The following PEX3 variants were observed in gnomAD, a reference collection of about 807,000 sequenced individuals.
PEX3 encodes the protein peroxin-3.
Under a neutral mutation model 55.8 loss-of-function variants are expected in PEX3, and 30 were observed. The observed-to-expected ratio is 0.54, with a 90% CI of 0.40 to 0.73. PEX3 has a LOEUF of 0.73. PEX3 is among the 30% of genes least tolerant of loss of function. The pLI is 0.00. For synonymous variants in PEX3, 135 were observed against 148.4 expected (o/e 0.91, Z 0.66); for missense variants, 351 against 432.8 (o/e 0.81, Z 1.68).
rs1325411919 is a variant in PEX3 at position 143,471,237 on chromosome 6, G to A, written c.457-146G>A. On this transcript the variant is annotated intron_variant, in intron 5 of 11. Transcript: ENST00000367591. This position sits in a 1 kb window ranked among gnomAD's most constrained non-coding sequence, Gnocchi z 5.4. ...GTATTATGAATAATTTTTATATGTT[G>A]AAACTAGAATTTTTGGTGTGTTAAA... 1.8e-5 allele frequency: 18 copies of A among 987,482 alleles called. No homozygotes were observed. Among genetic ancestry groups the A allele is most frequent in the Non-Finnish European group, 2.8e-5 (18 of 647,598 alleles). 61.2% of individuals were successfully genotyped at this position (987,482 alleles called of 1,614,324 possible). A position where few individuals can be genotyped will look rare whatever the true frequency, so the allele number is the denominator to read the frequency against.
At position 143,475,584 on chromosome 6, in the gene PEX3, G is replaced by A. The variant is rs1175652561; in HGVS notation, c.818+728G>A. ...GGAAGGATCACCTGAGCCCTGGCAG[G>A]TTGAGGCTATGGTGAGCCGTGATTG... On this transcript the variant is annotated intron_variant, in intron 9 of 11. Coordinates refer to ENST00000367591, the MANE Select transcript of PEX3 (RefSeq NM_003630.3). The surrounding 1 kb of genome is among the most constrained non-coding windows in gnomAD (Gnocchi z 4.4). 2.6e-5 allele frequency among the ~76,000 whole-genome samples: 4 copies of A among 152,170 alleles called. No individual in the cohort carries two copies. Among genetic ancestry groups the A allele is most frequent in the Admixed American group, 2.0e-4 (3 of 15,260 alleles).
intron 8 of PEX3, among the ~76,000 whole-genome samples, chr6:143,474,475 A>C (rs936792247): frequency 6.6e-6 from 1 of 151,318 alleles, no homozygotes; most frequent in Non-Finnish European, 1.5e-5. Context: ...AAAAAAAAAA[A>C]CCCAGACCTC....
At position 143,486,249 on chromosome 6, in the gene PEX3, CTAT is replaced by C. The variant is rs1780321751; in HGVS notation, c.1038+1002_1038+1004del. Among the ~76,000 whole-genome samples the C allele has an allele frequency of 2.6e-5, 4 of 152,110 alleles. No individual in the cohort carries two copies. The South Asian group carries it at 8.3e-4, about 31-fold the overall frequency. On this transcript the variant is annotated intron_variant, in intron 11 of 11. Coordinates refer to ENST00000367591, the MANE Select transcript of PEX3 (RefSeq NM_003630.3). This position sits in a 1 kb window ranked among gnomAD's most constrained non-coding sequence, Gnocchi z 5.0. ...TTTTACTGAATGTTAAGCTTCACATCTATATCAATGTGAGAAAAAGGTCATAAC... is the reference window on the plus strand; with the variant it reads ...TTTTACTGAATGTTAAGCTTCACATCATCAATGTGAGAAAAAGGTCATAAC...
chr6:143,484,043 T>G (rs1024560933), intron 10 of PEX3, among the ~76,000 whole-genome samples: 5 of 152,110 alleles, frequency 3.3e-5, no homozygotes, highest in African/African-American at 1.2e-4. Flanking sequence ...CATAGCACAC[T>G]GGTTGTACAC....
In PEX3 at chr6:143,471,060, A is replaced by C. The variant is rs754601802; in HGVS notation, c.431A>C (p.Asn144Thr). ...NIIGGYIYLD[N>T]AAVGKNGTTI... ...ATTGGTGGATATATTTACCTGGATA[A>C]TGCAGCAGTTGGCAAAAATGGCACT... The change falls in exon 5 of 12, where the codon AAT (asparagine) becomes ACT (threonine). Residue 144 changes from asparagine to threonine, a missense_variant. Asn to Thr is a moderately conservative substitution (Grantham distance 65). Coordinates refer to ENST00000367591, the MANE Select transcript of PEX3 (RefSeq NM_003630.3). The surrounding 1 kb of genome is among the most constrained non-coding windows in gnomAD (Gnocchi z 5.4). 1 of 1,613,528 alleles carries C rather than the reference A, an allele frequency of 6.2e-7. No homozygotes were observed. Among genetic ancestry groups the C allele is most frequent in the African/African-American group, 1.3e-5 (1 of 75,044 alleles).
chr6:143,468,493 T>C (rs1173096851), intron 4 of PEX3, among the ~76,000 whole-genome samples: 1 of 152,188 alleles, frequency 6.6e-6, no homozygotes, highest in African/African-American at 2.4e-5. Context: ...TGATATTGTA[T>C]TGTAAATTTT....
Position 143,482,337 on chromosome 6 carries a change from T to C in PEX3, c.942-2815T>C, listed in dbSNP as rs1780253270. ...TGCTATCTTTAAAAATGATATCAAT[T>C]TTGAAAAGGGAGAAGAAAAAGCTAT... On this transcript the variant is annotated intron_variant, in intron 10 of 11. Transcript: ENST00000367591. This position sits in a 1 kb window ranked among gnomAD's most constrained non-coding sequence, Gnocchi z 5.5. Among the ~76,000 whole-genome samples, 2 of 152,066 alleles carry C rather than the reference T, an allele frequency of 1.3e-5. No homozygotes were observed. Among genetic ancestry groups the C allele is most frequent in the East Asian group, 3.8e-4 (2 of 5,202 alleles).
At position 143,471,536 on chromosome 6, in the gene PEX3, G is replaced by A. The variant is rs1780074600; in HGVS notation, c.524-21G>A. 1 of 1,601,598 alleles carries A rather than the reference G, an allele frequency of 6.2e-7. No homozygotes were observed. Among genetic ancestry groups the A allele is most frequent in the Non-Finnish European group, 8.6e-7 (1 of 1,169,366 alleles). On this transcript the variant is annotated intron_variant, in intron 6 of 11. Coordinates refer to ENST00000367591, the MANE Select transcript of PEX3 (RefSeq NM_003630.3). This position sits in a 1 kb window ranked among gnomAD's most constrained non-coding sequence, Gnocchi z 5.4. Reference sequence around the variant, plus strand: ...ATTTTTAAACTAAGCAAGGCTTTTAGGTTTGTTTTTTCTTTAATAGGCCTG... The same window carrying A: ...ATTTTTAAACTAAGCAAGGCTTTTAAGTTTGTTTTTTCTTTAATAGGCCTG...
intron 9 of PEX3, among the ~76,000 whole-genome samples, chr6:143,478,736 TATC>T (rs1238033794): frequency 3.3e-5 from 5 of 152,068 alleles, no homozygotes; most frequent in East Asian, 1.9e-4. Context: ...CTCACTGAAA[TATC>T]ATGCTAGAGG....
At chr6:143,484,946 G>T in intron 10 of PEX3, 1 of 541,610 alleles carries the variant, frequency 1.8e-6, no homozygotes, top group Non-Finnish European at 3.3e-6. Flanking sequence ...AAAAAACAAA[G>T]ATATGTGTAA....
chr6:143,451,325 A>C lies in PEX3; in HGVS notation c.73+210A>C, dbSNP rs1442322464. 6.6e-6 allele frequency among the ~76,000 whole-genome samples: 1 copy of C among 151,526 alleles called. No individual in the cohort carries two copies. Among genetic ancestry groups the C allele is most frequent in the Non-Finnish European group, 1.5e-5 (1 of 67,872 alleles). On this transcript the variant is annotated intron_variant, in intron 1 of 11. Coordinates refer to ENST00000367591, the MANE Select transcript of PEX3 (RefSeq NM_003630.3). The surrounding 1 kb of genome is among the most constrained non-coding windows in gnomAD (Gnocchi z 4.1). ...CTCTGTGCCCTTTGCCCTGTCACCG[A>C]CTCTTAACTCTGTTTCTCACCTATC...
intron 10 of PEX3, among the ~76,000 whole-genome samples, chr6:143,484,254 T>C (rs925753496): frequency 1.3e-5 from 2 of 152,120 alleles, no homozygotes; most frequent in African/African-American, 4.8e-5. Context: ...CAAATGTTTA[T>C]TGTGCTCTAA....
Position 143,476,916 on chromosome 6 carries a change from CG to C in PEX3, c.818+2065del, listed in dbSNP as rs1780160777. On this transcript the variant is annotated intron_variant, in intron 9 of 11. Coordinates refer to ENST00000367591, the MANE Select transcript of PEX3 (RefSeq NM_003630.3). This position sits in a 1 kb window ranked among gnomAD's most constrained non-coding sequence, Gnocchi z 5.4. Reference sequence around the variant, plus strand: ...CAGTCCAACATTTAGAGTTTGGGATCGGGGGAAGAGCCAGCAAAGGAGACTG... The same window carrying C: ...CAGTCCAACATTTAGAGTTTGGGATCGGGGAAGAGCCAGCAAAGGAGACTG... Among the ~76,000 whole-genome samples, 1 of 152,072 alleles carries C rather than the reference CG, an allele frequency of 6.6e-6. No homozygotes were observed. The highest frequency in any genetic ancestry group is 1.9e-4 in the East Asian group (1 of 5,182).
intron 4 of PEX3, among the ~76,000 whole-genome samples, chr6:143,469,614 C>T (rs1348567010): frequency 6.6e-6 from 1 of 152,110 alleles, no homozygotes; most frequent in East Asian, 1.9e-4. Context: ...AATTTTCTCC[C>T]ATTCTGTAGG....
rs1780352761 is a variant in PEX3, at chr6:143,488,998, A to G, written c.1039-145A>G. The G allele has an allele frequency of 1.6e-6, 1 of 622,286 alleles. No individual in the cohort carries two copies. The highest frequency in any genetic ancestry group is 1.8e-5 in the South Asian group (1 of 55,950). 38.5% of individuals were successfully genotyped at this position (622,286 alleles called of 1,614,324 possible). A position where few individuals can be genotyped will look rare whatever the true frequency, so the allele number is the denominator to read the frequency against. On this transcript the variant is annotated intron_variant, in intron 11 of 11. Transcript: ENST00000367591. This position sits in a 1 kb window ranked among gnomAD's most constrained non-coding sequence, Gnocchi z 4.9. Reference sequence around the variant, plus strand: ...TAACTATCTCCTAGAATTTATTACAAGAAAAACTACTCATTTTCTTAAATG... The same window carrying G: ...TAACTATCTCCTAGAATTTATTACAGGAAAAACTACTCATTTTCTTAAATG...
rs1780160547 is a variant in PEX3 at position 143,476,914 on chromosome 6, A to G, written c.818+2058A>G. ...AGCAGTCCAACATTTAGAGTTTGGG[A>G]TCGGGGGAAGAGCCAGCAAAGGAGA... On this transcript the variant is annotated intron_variant, in intron 9 of 11. Transcript: ENST00000367591. The surrounding 1 kb of genome is among the most constrained non-coding windows in gnomAD (Gnocchi z 5.4). Among the ~76,000 whole-genome samples, 1 of 152,186 alleles carries G rather than the reference A, an allele frequency of 6.6e-6. No individual in the cohort carries two copies. The highest frequency in any genetic ancestry group is 2.4e-5 in the African/African-American group (1 of 41,444).
At chr6:143,469,494 A>G (rs910133661) in intron 4 of PEX3, among the ~76,000 whole-genome samples, 3 of 152,166 alleles carry the variant, frequency 2.0e-5, no homozygotes, top group Non-Finnish European at 4.4e-5. Context: ...GTGTCTGTTC[A>G]TATCCTTTGC....
Position 143,489,032 on chromosome 6 carries a change from C to T in PEX3, c.1039-111C>T. 1 of 754,366 alleles carries T rather than the reference C, an allele frequency of 1.3e-6. No individual in the cohort carries two copies. Among genetic ancestry groups the T allele is most frequent in the East Asian group, 2.5e-5 (1 of 39,538 alleles). The allele number at this position is 754,366 out of a possible 1,614,324, so 46.7% of individuals were successfully genotyped here. On this transcript the variant is annotated intron_variant, in intron 11 of 11. Coordinates refer to ENST00000367591, the MANE Select transcript of PEX3 (RefSeq NM_003630.3). This position sits in a 1 kb window ranked among gnomAD's most constrained non-coding sequence, Gnocchi z 5.5. ...ACTCATTTTCTTAAATGGTTTGCCT[C>T]TTGGCCTTTACCACAAAACTTAGAG...
intron 8 of PEX3, among the ~76,000 whole-genome samples, chr6:143,473,622 T>C (rs541485163): frequency 6.6e-6 from 1 of 152,068 alleles, no homozygotes; most frequent in East Asian, 1.9e-4. Flanking sequence ...GAAAAAAGCA[T>C]AGGAGGTTGA....
Sources: allele counts gnomAD v4.1 joint callset (sites outside exome capture counted in the v4.1 genomes callset), GRCh38; gene constraint gnomAD v4.1.1; non-coding constraint Gnocchi (gnomAD v3.1); transcripts MANE v1.5; gene names NCBI Gene and HGNC (gene_info 2026-07-23, HGNC 2026-07-21).